Variants in CDCA7L observed in about 807,000 individuals in gnomAD.
The protein encoded by CDCA7L is cell division cycle associated 7 like, also known as cell division cycle-associated 7-like protein.
Under a neutral mutation model 57.4 loss-of-function variants are expected in CDCA7L, and 44 were observed. The ratio of observed to expected loss-of-function variants is 0.77; its 90% CI spans 0.60 to 0.98. The LOEUF is 0.98. CDCA7L is among the 50% of genes least tolerant of loss of function. CDCA7L has a pLI of 0.00. For synonymous variants in CDCA7L, 236 were observed against 202.8 expected (o/e 1.16, Z -1.39); for missense variants, 644 against 580.6 (o/e 1.11, Z -1.12).
At chr7:21,917,214 T>C (rs1785513734) in intron 1 of CDCA7L, among the ~76,000 whole-genome samples, 1 of 152,220 alleles carries the variant, frequency 6.6e-6, no homozygotes, top group South Asian at 2.1e-4. Context: ...TGATCTCTTT[T>C]TTCTCCTACA....
intron 1 of CDCA7L, among the ~76,000 whole-genome samples, chr7:21,926,271 GC>G (rs1315210336): frequency 1.3e-5 from 2 of 152,020 alleles, no homozygotes; most frequent in African/African-American, 4.8e-5. Flanking sequence ...AACAGCACAA[GC>G]AACAATTCGA....
At chr7:21,942,618 C>A (rs1285740269) in intron 1 of CDCA7L, among the ~76,000 whole-genome samples, 1 of 152,126 alleles carries the variant, frequency 6.6e-6, no homozygotes, top group Non-Finnish European at 1.5e-5. Flanking sequence ...TAATCTTTTT[C>A]ATTAATTTAC....
At chr7:21,913,250 A>G (rs934977049) in intron 2 of CDCA7L, among the ~76,000 whole-genome samples, 1 of 152,172 alleles carries the variant, frequency 6.6e-6, no homozygotes, top group Non-Finnish European at 1.5e-5. Flanking sequence ...AATGTCTCCT[A>G]TGAATTATTA....
In CDCA7L at chr7:21,902,037, A is replaced by AC. The variant is rs1784902089; in HGVS notation, c.*284dup. The AC allele has an allele frequency of 4.6e-6, 2 of 436,506 alleles. No homozygotes were observed. Among genetic ancestry groups the AC allele is most frequent in the Non-Finnish European group, 8.3e-6 (2 of 239,926 alleles). 27.0% of individuals were successfully genotyped at this position (436,506 alleles called of 1,614,324 possible). A position where few individuals can be genotyped will look rare whatever the true frequency, so the allele number is the denominator to read the frequency against. On this transcript the variant is annotated 3_prime_UTR_variant, in exon 10 of 10. Coordinates refer to ENST00000406877, the MANE Select transcript of CDCA7L (RefSeq NM_018719.5). ...CTCTAACTTACTTACCTGAACTTTAACCCCACCCCATTTAAACTGTGCTTT... is the reference window on the plus strand; with the variant it reads ...CTCTAACTTACTTACCTGAACTTTAACCCCCACCCCATTTAAACTGTGCTTT...
rs1785114858 is a variant in CDCA7L at position 21,905,608 on chromosome 7, T to C, written c.945A>G (p.Arg315=). ...GCCGAAAAGAAGATATACGGTGACG[T>C]CGTCTGTACTCCCGGCATTTCCCCT... The part of the protein sequence containing the change: ...TIGGKCREYR[R]RHRISSFRPV... The change falls in exon 7 of 10, where the codon CGA becomes CGG. Residue 315 remains arginine, a synonymous_variant. Transcript: ENST00000406877. 6.2e-7 allele frequency: 1 copy of C among 1,613,822 alleles called. No homozygotes were observed. Among genetic ancestry groups the C allele is most frequent in the East Asian group, 2.2e-5 (1 of 44,896 alleles).
rs781511915 is a variant in CDCA7L at position 21,901,156 on chromosome 7, C to G, written c.*1166G>C. The stretch of plus-strand genomic sequence containing the variant: ...CGAGTGCCCTGTGTATAGAACCAAA[C>G]TGAGAGGCCCCAGCTACATCTGGAC... On this transcript the variant is annotated 3_prime_UTR_variant, in exon 10 of 10. Coordinates refer to ENST00000406877, the MANE Select transcript of CDCA7L (RefSeq NM_018719.5). 1 of 1,612,784 alleles carries G rather than the reference C, an allele frequency of 6.2e-7. No individual in the cohort carries two copies. The highest frequency in any genetic ancestry group is 1.7e-5 in the Admixed American group (1 of 59,920).
At chr7:21,928,326 G>C (rs778264827) in intron 1 of CDCA7L, among the ~76,000 whole-genome samples, 1 of 152,144 alleles carries the variant, frequency 6.6e-6, no homozygotes, top group Non-Finnish European at 1.5e-5. Context: ...ACCAAAGGTA[G>C]ATAAATCCAC....
In CDCA7L at chr7:21,904,228, G is replaced by C. The variant is rs757215983; in HGVS notation, c.1079C>G (p.Thr360Ser). 6.2e-7 allele frequency: 1 copy of C among 1,612,118 alleles called. No homozygotes were observed. The highest frequency in any genetic ancestry group is 1.7e-5 in the Admixed American group (1 of 59,704). ...CCGACACACTGTCTTGGTGTCGATG[G>C]TCTTTTGTCGACACTGATGGCACGT... is the stretch of plus-strand genomic sequence containing the variant. ...GNTCHQCRQK[T>S]IDTKTVCRNQ... The change falls in exon 8 of 10, where the codon ACC becomes AGC. Residue 360 changes from threonine (T) to serine (S), a missense_variant. Physicochemically the swap from Thr to Ser is moderately conservative, Grantham distance 58. Coordinates refer to ENST00000406877, the MANE Select transcript of CDCA7L (RefSeq NM_018719.5).
intron 1 of CDCA7L, among the ~76,000 whole-genome samples, chr7:21,939,210 G>T (rs1786266643): frequency 6.6e-6 from 1 of 152,142 alleles, no homozygotes; most frequent in Admixed American, 6.5e-5. Flanking sequence ...GGTCATAGGG[G>T]TAATTGTTTA....
chr7:21,905,428 T>C (rs1179863189), intron 7 of CDCA7L, 78 bp downstream of exon 7: 13 of 1,495,668 alleles, frequency 8.7e-6, no homozygotes, highest in East Asian at 2.3e-5. Flanking sequence ...TAAGCCCTGA[T>C]AGAGTTTAAA....
chr7:21,914,313 G>A (rs1785418632), intron 2 of CDCA7L, among the ~76,000 whole-genome samples: 1 of 152,178 alleles, frequency 6.6e-6, no homozygotes, highest in Non-Finnish European at 1.5e-5. Context: ...GTCAGAGCCA[G>A]GGAAGCTAGA....
At chr7:21,922,309 G>C (rs1289696989) in intron 1 of CDCA7L, among the ~76,000 whole-genome samples, 1 of 152,140 alleles carries the variant, frequency 6.6e-6, no homozygotes, top group Non-Finnish European at 1.5e-5. Flanking sequence ...AACAGGCTTT[G>C]GGGCCAAGCA....
In CDCA7L at chr7:21,902,356, G is replaced by A; in HGVS notation, c.1335-4C>T. 6.2e-7 allele frequency: 1 copy of A among 1,613,610 alleles called. No individual in the cohort carries two copies. The highest frequency in any genetic ancestry group is 8.5e-7 in the Non-Finnish European group (1 of 1,179,750). On this transcript the variant is annotated splice_polypyrimidine_tract_variant and splice_region_variant and intron_variant, in intron 9 of 9. Transcript: ENST00000406877. ...TTCTACCAGCTCCTTTTGTAAGCTG[G>A]GAAAAAGATGAGAAGTATTTGGTAA...
At chr7:21,905,421 G>A (rs1229978709) in intron 7 of CDCA7L, 85 bp downstream of exon 7, 1 of 1,440,626 alleles carries the variant, frequency 6.9e-7, no homozygotes, top group Non-Finnish European at 9.6e-7. Context: ...GATGGCATAA[G>A]CCCTGATAGA....
intron 1 of CDCA7L, among the ~76,000 whole-genome samples, chr7:21,925,215 A>G (rs1785785122): frequency 6.6e-6 from 1 of 152,238 alleles, no homozygotes; most frequent in Non-Finnish European, 1.5e-5. Flanking sequence ...ACAAAATGGC[A>G]AAACAAAGAA....
intron 1 of CDCA7L, among the ~76,000 whole-genome samples, chr7:21,924,250 A>G (rs2128064806): frequency 6.6e-6 from 1 of 152,322 alleles, no homozygotes; most frequent in East Asian, 1.9e-4. Flanking sequence ...GCCAACTGAT[A>G]CAAGGGCTGA....
rs201363125 is a variant in CDCA7L, at chr7:21,908,227, G to A, written c.584C>T (p.Ser195Phe). The A allele has an allele frequency of 3.1e-6, 5 of 1,613,232 alleles. No individual in the cohort carries two copies. In the African/African-American group the frequency reaches 5.3e-5, roughly 17 times the overall value. Reference sequence around the variant, plus strand: ...AGAGTCATCCTCAGACTCAGAGGTAGAATCTTCCCTTTGTATCACCTGTCT... The same window carrying A: ...AGAGTCATCCTCAGACTCAGAGGTAAAATCTTCCCTTTGTATCACCTGTCT... ...DCRQVIQRED[S>F]TSESEDDSRD... The change falls in exon 4 of 10, where the codon TCT becomes TTT. Residue 195 changes from serine to phenylalanine, a missense_variant. Coordinates refer to ENST00000406877, the MANE Select transcript of CDCA7L (RefSeq NM_018719.5).
intron 1 of CDCA7L, among the ~76,000 whole-genome samples, chr7:21,938,840 C>T (rs1479808879): frequency 6.6e-6 from 1 of 151,828 alleles, no homozygotes; most frequent in East Asian, 1.9e-4. Flanking sequence ...CCATCTCTAC[C>T]AGAAATTTTA....
rs1230005482 is a variant in CDCA7L, at chr7:21,916,888, T to C, written c.31A>G (p.Lys11Glu). The C allele has an allele frequency of 6.2e-7, 1 of 1,614,070 alleles. No homozygotes were observed. Among genetic ancestry groups the C allele is most frequent in the East Asian group, 2.2e-5 (1 of 44,868 alleles). The part of the protein sequence containing the change: MELATRYQIP[K>E]EVADIFNAPS... The stretch of plus-strand genomic sequence containing the variant: ...GCGTTAAAGATGTCAGCCACTTCTT[T>C]AGGGATCTGTTTTGGATTCAAAAGA... The change falls in exon 2 of 10, where the codon AAA becomes GAA. Residue 11 changes from lysine (K) to glutamate (E), a missense_variant. Lys to Glu is a moderately conservative substitution (Grantham distance 56). Coordinates refer to ENST00000406877, the MANE Select transcript of CDCA7L (RefSeq NM_018719.5).
Sources: allele counts gnomAD v4.1 joint callset (sites outside exome capture counted in the v4.1 genomes callset), GRCh38; gene constraint gnomAD v4.1.1; transcripts MANE v1.5; gene names NCBI Gene and HGNC (gene_info 2026-07-23, HGNC 2026-07-21).